The following DNAAF10 variants were observed in gnomAD, a reference collection of about 807,000 sequenced individuals.
DNAAF10 encodes the protein WD repeat domain 92.
Under a neutral mutation model 43.7 loss-of-function variants are expected in DNAAF10, and 28 were observed. The observed-to-expected ratio is 0.64, with a 90% CI of 0.48 to 0.88. The LOEUF is 0.88. Ranked by LOEUF, DNAAF10 falls within the 40% of genes least tolerant of loss-of-function variation. DNAAF10 has a pLI of 0.00. For missense variants in DNAAF10, 403 were observed against 439.1 expected (o/e 0.92, Z 0.73); for synonymous variants, 156 against 157.3 (o/e 0.99, Z 0.06).
At chr2:68,142,010 A>G (rs1391682257) in intron 3 of DNAAF10, among the ~76,000 whole-genome samples, 1 of 152,202 alleles carries the variant, frequency 6.6e-6, no homozygotes, top group Non-Finnish European at 1.5e-5. Flanking sequence ...TTTCCAAATT[A>G]ATAGACACAC....
chr2:68,144,994 T>G (rs1160092207), intron 2 of DNAAF10, among the ~76,000 whole-genome samples: 1 of 152,122 alleles, frequency 6.6e-6, no homozygotes, highest in East Asian at 1.9e-4. Flanking sequence ...CCCCCACAGA[T>G]GAATTACCAG....
chr2:68,134,170 T>G, intron 7 of DNAAF10: 1 of 985,742 alleles, frequency 1.0e-6, no homozygotes, highest in East Asian at 1.1e-4. Context: ...ATATCAGACC[T>G]TTTAAATGAT....
chr2:68,156,702 C>A (rs528714460), intron 1 of DNAAF10, among the ~76,000 whole-genome samples: 1 of 152,156 alleles, frequency 6.6e-6, no homozygotes, highest in African/African-American at 2.4e-5. Flanking sequence ...GTGCAGAAGC[C>A]CTGGAAACCT....
chr2:68,140,618 A>C (rs551239328), intron 4 of DNAAF10, among the ~76,000 whole-genome samples: 1 of 152,226 alleles, frequency 6.6e-6, no homozygotes, highest in South Asian at 2.1e-4. Flanking sequence ...ACTCCCGCTA[A>C]ATACCACTAG....
intron 3 of DNAAF10, 109 bp downstream of exon 3, chr2:68,144,476 T>C (rs1673265841): frequency 4.4e-6 from 6 of 1,377,508 alleles, no homozygotes; most frequent in Non-Finnish European, 5.9e-6. Flanking sequence ...CTGTTAGATT[T>C]AGGGAGTCAA....
intron 1 of DNAAF10, chr2:68,157,033 C>T: frequency 1.6e-6 from 1 of 623,192 alleles, no homozygotes; most frequent in Non-Finnish European, 2.7e-6. Context: ...TTTGGCTGGA[C>T]TGCACTGGGG....
chr2:68,134,395 A>C, intron 7 of DNAAF10: 1 of 1,108,332 alleles, frequency 9.0e-7, no homozygotes. Flanking sequence ...TTTTAGAGGC[A>C]GTGAGTGTTC....
chr2:68,131,674 A>T (rs776223501), intron 7 of DNAAF10: 1 of 489,434 alleles, frequency 2.0e-6, no homozygotes, highest in African/African-American at 1.9e-5. Context: ...AAAACTTCTA[A>T]AAGTCATTTC....
At chr2:68,148,098 C>T (rs543393590) in intron 1 of DNAAF10, among the ~76,000 whole-genome samples, 1 of 152,214 alleles carries the variant, frequency 6.6e-6, no homozygotes, top group East Asian at 1.9e-4. Context: ...TTTGAGGTTT[C>T]TTTACTTTAA....
At chr2:68,152,726 A>T (rs972491625) in intron 1 of DNAAF10, among the ~76,000 whole-genome samples, 1 of 152,222 alleles carries the variant, frequency 6.6e-6, no homozygotes, top group Non-Finnish European at 1.5e-5. Flanking sequence ...GCCATCAATG[A>T]TGGTCATAAT....
At chr2:68,138,992 C>T (rs1673112256) in intron 4 of DNAAF10, 135 bp from the exon 5 acceptor site, 1 of 634,204 alleles carries the variant, frequency 1.6e-6, no homozygotes, top group African/African-American at 1.9e-5. Context: ...AGTATCCCAT[C>T]TTACCAATCC....
intron 6 of DNAAF10, 122 bp downstream of exon 6, chr2:68,137,177 A>G: frequency 8.7e-7 from 1 of 1,143,556 alleles, no homozygotes; most frequent in Non-Finnish European, 1.2e-6. Context: ...TCTCACAGGA[A>G]TATATCAAAA....
intron 2 of DNAAF10, 133 bp downstream of exon 2, chr2:68,147,334 C>A: frequency 1.6e-6 from 1 of 623,630 alleles, no homozygotes; most frequent in Non-Finnish European, 2.7e-6. Flanking sequence ...AGAGACAATT[C>A]TCATATTTTT....
rs1673646890 is a variant in DNAAF10 at position 68,157,243 on chromosome 2, C to T, written c.183+18G>A. On this transcript the variant is annotated intron_variant, in intron 1 of 7. Coordinates refer to ENST00000295121, the MANE Select transcript of DNAAF10 (RefSeq NM_138458.4). ...ACTCGCCCCCAACGGCAGTCCGGAT[C>T]CTCGACCCGGCACCCACCTCCCGAA... The T allele has an allele frequency of 6.2e-7, 1 of 1,604,538 alleles. No homozygotes were observed. Among genetic ancestry groups the T allele is most frequent in the Non-Finnish European group, 8.5e-7 (1 of 1,175,328 alleles).
chr2:68,150,215 C>T (rs1673419691), intron 1 of DNAAF10, among the ~76,000 whole-genome samples: 1 of 152,102 alleles, frequency 6.6e-6, no homozygotes, highest in Non-Finnish European at 1.5e-5. Context: ...AACTTTCCTC[C>T]CTGTTATTCT....
chr2:68,149,922 A>G (rs566065364), intron 1 of DNAAF10, among the ~76,000 whole-genome samples: 20 of 152,314 alleles, frequency 1.3e-4, no homozygotes, highest in African/African-American at 4.3e-4. Context: ...GTTCCAGGAG[A>G]CAGGGGATTA....
chr2:68,143,451 G>A (rs1673239857), intron 3 of DNAAF10, among the ~76,000 whole-genome samples: 1 of 151,910 alleles, frequency 6.6e-6, no homozygotes, highest in African/African-American at 2.4e-5. Context: ...CAAAGTTGTG[G>A]GATTATAGGC....
chr2:68,130,914 CTTTTT>C lies in DNAAF10; in HGVS notation c.*319_*323del, dbSNP rs879114176. ...CTCTGGAAGGTTTCAAGTCCAAAGT[CTTTTT>C]TTTTTTTTTTTTTTTTGAGACAGTC... On this transcript the variant is annotated 3_prime_UTR_variant, in exon 8 of 8. Coordinates refer to ENST00000295121, the MANE Select transcript of DNAAF10 (RefSeq NM_138458.4). The C allele has an allele frequency of 1.4e-4, 17 of 122,584 alleles. No homozygotes were observed. Among genetic ancestry groups the C allele is most frequent in the South Asian group, 5.5e-4 (3 of 5,490 alleles). 7.6% of individuals were successfully genotyped at this position (122,584 alleles called of 1,614,324 possible). A position where few individuals can be genotyped will look rare whatever the true frequency, so the allele number is the denominator to read the frequency against.
intron 6 of DNAAF10, among the ~76,000 whole-genome samples, chr2:68,135,857 C>T (rs1037657274): frequency 2.7e-4 from 41 of 152,130 alleles, no homozygotes; most frequent in Non-Finnish European, 1.5e-5. Flanking sequence ...GAAATGACCT[C>T]TTAAAATACA....
Sources: allele counts gnomAD v4.1 joint callset (sites outside exome capture counted in the v4.1 genomes callset), GRCh38; gene constraint gnomAD v4.1.1; transcripts MANE v1.5; gene names NCBI Gene and HGNC (gene_info 2026-07-23, HGNC 2026-07-21).